PCDH15: variants seen among roughly 807,000 people sequenced by gnomAD.
PCDH15 encodes the protein protocadherin-15.
In PCDH15, 129 loss-of-function variants were observed where a neutral mutation model predicts 178.5. The ratio of observed to expected loss-of-function variants is 0.72; its 90% CI spans 0.63 to 0.84. The LOEUF (loss-of-function observed/expected upper bound fraction) is 0.84. Among genes scored for constraint, PCDH15 ranks in the 40% least tolerant of loss-of-function variants. The pLI is 0.00. For synonymous variants in PCDH15, 800 were observed against 732.0 expected (o/e 1.09, Z -1.50); for missense variants, 2,230 against 2,099.9 (o/e 1.06, Z -1.21).
chr10:54,968,121 G>A (rs1376062747), intron 2 of PCDH15, among the ~76,000 whole-genome samples: 1 of 152,036 alleles, frequency 6.6e-6, no homozygotes, highest in Non-Finnish European at 1.5e-5. Context: ...ATACATATAG[G>A]AATGGAAAGC....
At chr10:55,025,149 G>A (rs960415425) in intron 2 of PCDH15, among the ~76,000 whole-genome samples, 4 of 150,248 alleles carry the variant, frequency 2.7e-5, no homozygotes, top group Non-Finnish European at 4.4e-5. Flanking sequence ...TTCTGTGTAC[G>A]TATGCATGTG....
chr10:54,109,133 G>A, intron 15 of PCDH15, among the ~76,000 whole-genome samples: 1 of 152,014 alleles, frequency 6.6e-6, no homozygotes, highest in East Asian at 1.9e-4. Flanking sequence ...CATGCTGTTC[G>A]TATAAATGTA....
At chr10:54,901,002 A>C (rs1271852414) in intron 2 of PCDH15, among the ~76,000 whole-genome samples, 2 of 152,192 alleles carry the variant, frequency 1.3e-5, no homozygotes, top group Non-Finnish European at 2.9e-5. Flanking sequence ...TGATAACAAT[A>C]ACCAAGTGAA....
chr10:55,299,289 T>C (rs988981293), intron 1 of PCDH15, among the ~76,000 whole-genome samples: 1 of 152,134 alleles, frequency 6.6e-6, no homozygotes, highest in African/African-American at 2.4e-5. Flanking sequence ...AAAATGACCA[T>C]TCAAAGCACA....
intron 23 of PCDH15, among the ~76,000 whole-genome samples, chr10:53,942,165 T>C (rs76828953): frequency 2.2e-3 from 336 of 152,342 alleles, no homozygotes; most frequent in African/African-American, 7.7e-3. Context: ...CATATATTCA[T>C]TGCATGAGCA....
chr10:54,405,899 G>GT (rs1952606723), intron 3 of PCDH15, among the ~76,000 whole-genome samples: 1 of 151,450 alleles, frequency 6.6e-6, no homozygotes, highest in Admixed American at 6.6e-5. Flanking sequence ...AAGTATTAGT[G>GT]TATTGTTTCA....
intron 1 of PCDH15, among the ~76,000 whole-genome samples, chr10:54,679,704 A>G (rs1296852155): frequency 6.6e-6 from 1 of 152,212 alleles, no homozygotes; most frequent in Non-Finnish European, 1.5e-5. Context: ...AAGAAAAACT[A>G]ATAAGAGAAT....
intron 1 of PCDH15, among the ~76,000 whole-genome samples, chr10:54,713,308 A>C (rs1295896033): frequency 6.6e-6 from 1 of 152,116 alleles, no homozygotes; most frequent in African/African-American, 2.4e-5. Flanking sequence ...ATTCTTCAAC[A>C]AAATTAAATT....
intron 2 of PCDH15, among the ~76,000 whole-genome samples, chr10:55,562,102 T>C (rs1489857093): frequency 1.3e-5 from 2 of 151,890 alleles, no homozygotes; most frequent in African/African-American, 4.8e-5. Flanking sequence ...GTCTCAAGAG[T>C]AGCAACATTT....
intron 2 of PCDH15, among the ~76,000 whole-genome samples, chr10:55,372,192 C>T (rs1406547444): frequency 2.0e-5 from 3 of 152,062 alleles, no homozygotes; most frequent in Non-Finnish European, 2.9e-5. Context: ...TATTTTTCTA[C>T]ACTTATAGAG....
At position 54,217,883 on chromosome 10, in the gene PCDH15, G is replaced by T. The variant is rs145469062; in HGVS notation, c.986-3835C>A. On this transcript the variant is annotated intron_variant, in intron 9 of 37. Transcript: ENST00000644397. ...GAAAGAATTCCGAGACTACTAAACT[G>T]ATTTGAAAAGTTTTCAAGAGCCAAA... Among the ~76,000 whole-genome samples, 546 of 152,222 alleles carry T rather than the reference G, an allele frequency of 3.6e-3. 3 individuals are homozygous for T. Among genetic ancestry groups the T allele is most frequent in the African/African-American group, 0.012 (514 of 41,540 alleles).
chr10:55,078,272 G>A (rs1841958540), intron 2 of PCDH15, among the ~76,000 whole-genome samples: 1 of 152,204 alleles, frequency 6.6e-6, no homozygotes, highest in Admixed American at 6.5e-5. Context: ...ACTTTTGAGA[G>A]ATTGACTATA....
At chr10:54,666,684 T>C (rs1472719632) in intron 1 of PCDH15, among the ~76,000 whole-genome samples, 3 of 151,984 alleles carry the variant, frequency 2.0e-5, no homozygotes, top group Non-Finnish European at 4.4e-5. Context: ...AAAGGATATA[T>C]ATTGGAAAAC....
chr10:54,041,223 G>A (rs183582114), intron 18 of PCDH15, among the ~76,000 whole-genome samples: 1 of 152,084 alleles, frequency 6.6e-6, no homozygotes, highest in East Asian at 1.9e-4. Context: ...CACTGAATTT[G>A]CCTCTCAGTA....
At chr10:54,487,891 A>G (rs545723230) in intron 3 of PCDH15, among the ~76,000 whole-genome samples, 1 of 152,070 alleles carries the variant, frequency 6.6e-6, no homozygotes, top group Admixed American at 6.6e-5. Context: ...AAATGCATAT[A>G]TACACAAAAC....
In PCDH15 at chr10:55,454,865, T is replaced by C. The variant is rs186618097; in HGVS notation, c.-156+172760A>G. On this transcript the variant is annotated intron_variant, in intron 2 of 5. Transcript: ENST00000613346. ...AATATAAATGATACTGAAACACTTG[T>C]CAAGCCTCTTAAAGTTTTGCTTTTC... is the stretch of plus-strand genomic sequence containing the variant. Among the ~76,000 whole-genome samples the C allele has an allele frequency of 4.5e-3, 681 of 151,948 alleles. 4 individuals are homozygous for C. The highest frequency in any genetic ancestry group is 0.019 in the South Asian group (91 of 4,824).
At chr10:54,667,653 C>A (rs2094592363) in intron 1 of PCDH15, among the ~76,000 whole-genome samples, 1 of 152,016 alleles carries the variant, frequency 6.6e-6, no homozygotes, top group African/African-American at 2.4e-5. Flanking sequence ...TTTACTTTTA[C>A]TACAAATCCC....
intron 1 of PCDH15, among the ~76,000 whole-genome samples, chr10:55,317,045 A>G (rs1322618871): frequency 6.6e-6 from 1 of 152,146 alleles, no homozygotes; most frequent in Non-Finnish European, 1.5e-5. Context: ...GCTTATATCA[A>G]CTGGCACTAC....
intron 8 of PCDH15, among the ~76,000 whole-genome samples, chr10:54,247,935 A>AATATATATATATATATATAT (rs147562225): frequency 7.2e-6 from 1 of 139,406 alleles, no homozygotes; most frequent in African/African-American, 2.6e-5. Context: ...TGCATGAAAG[A>AATATATATATATATATATAT]ATATATATAT....
Sources: allele counts gnomAD v4.1 joint callset (sites outside exome capture counted in the v4.1 genomes callset), GRCh38; gene constraint gnomAD v4.1.1; transcripts MANE v1.5; gene names NCBI Gene and HGNC (gene_info 2026-07-23, HGNC 2026-07-21).